IQGAP3: variants seen among roughly 807,000 people sequenced by gnomAD.
IQGAP3 encodes the protein ras GTPase-activating-like protein IQGAP3.
A neutral mutation model predicts 208.2 loss-of-function variants in IQGAP3; 165 were observed. The ratio of observed to expected loss-of-function variants is 0.79; its 90% CI spans 0.70 to 0.90. The LOEUF is 0.90. Ranked by LOEUF, IQGAP3 falls within the 40% of genes least tolerant of loss-of-function variation. The pLI, the probability that IQGAP3 is intolerant of heterozygous loss-of-function variation, is 0.00. For missense variants in IQGAP3, 1,811 were observed against 2,043.1 expected (o/e 0.89, Z 2.19); for synonymous variants, 703 against 803.6 (o/e 0.87, Z 2.12).
At chr1:156,569,128 A>G (rs1461468639) in intron 2 of IQGAP3, among the ~76,000 whole-genome samples, 5 of 152,148 alleles carry the variant, frequency 3.3e-5, no homozygotes, top group Non-Finnish European at 5.9e-5. Flanking sequence ...TTAGTTGGAT[A>G]TTATAATGGC....
rs375539974 is a variant in IQGAP3, at chr1:156,527,218, T to C, written c.4783-619A>G. ...CTGCTCGGCTGGGCATGGTGACTCA[T>C]GCCTGTAAATCCCAGCATTTTGGGA... is the stretch of plus-strand genomic sequence containing the variant. On this transcript the variant is annotated intron_variant, in intron 37 of 37. Coordinates refer to ENST00000361170, the MANE Select transcript of IQGAP3 (RefSeq NM_178229.5). Among the ~76,000 whole-genome samples, 77 of 151,514 alleles carry C rather than the reference T, an allele frequency of 5.1e-4. No individual in the cohort carries two copies. In the East Asian group the frequency reaches 5.9e-3, roughly 12 times the overall value.
At position 156,563,219 on chromosome 1, in the gene IQGAP3, T is replaced by C; in HGVS notation, c.713A>G (p.Glu238Gly). 6.2e-7 allele frequency: 1 copy of C among 1,613,456 alleles called. No individual in the cohort carries two copies. ...GGCTGCCAGAGGCTCTCGGAGATTC[T>C]CCAGAAGAGCACTGGGATTCTGCAA... is the stretch of plus-strand genomic sequence containing the variant. ...AALQNPSALL[E>G]NLREPLAAVY... The change falls in exon 8 of 38, where the codon GAG becomes GGG. Residue 238 changes from glutamate (E) to glycine (G), a missense_variant. Glu to Gly is a moderately conservative substitution (Grantham distance 98). Transcript: ENST00000361170.
Position 156,534,544 on chromosome 1 carries a change from G to A in IQGAP3, c.3697C>T (p.Arg1233Trp), listed in dbSNP as rs1421071932. 1.6e-5 allele frequency: 25 copies of A among 1,605,886 alleles called. No individual in the cohort carries two copies. The highest frequency in any genetic ancestry group is 3.4e-5 in the Admixed American group (2 of 58,456). ...KAFSGQSQHL[R>W]VLNDYLEETH... ...TCCTCCAGATAGTCATTCAGGACCC[G>A]TAGGTGCTGGCTCTGCCCAGAGAAG... Residue 1233 changes from arginine to tryptophan, a missense_variant, in exon 29 of 38, where the codon CGG becomes TGG. Physicochemically the swap from Arg to Trp is moderately radical, Grantham distance 101 (BLOSUM62 -3). Coordinates refer to ENST00000361170, the MANE Select transcript of IQGAP3 (RefSeq NM_178229.5).
Position 156,539,526 on chromosome 1 carries a change from G to C in IQGAP3, c.2904C>G (p.Ile968Met). ...HLFYLLQTQP[I>M]YLAKLIFQMP... ...TCTGAAAGATCAGCTTGGCCAGGTA[G>C]ATGGGCTGAGTCTGCAAGCAAGAGG... Residue 968 changes from isoleucine (I) to methionine (M), a missense_variant, in exon 25 of 38, where the codon ATC (isoleucine) becomes ATG (methionine). By Grantham distance (10) the Ile-to-Met change is conservative (BLOSUM62 1). Coordinates refer to ENST00000361170, the MANE Select transcript of IQGAP3 (RefSeq NM_178229.5). The C allele has an allele frequency of 6.2e-7, 1 of 1,614,202 alleles. No homozygotes were observed. Among genetic ancestry groups the C allele is most frequent in the Non-Finnish European group, 8.5e-7 (1 of 1,180,038 alleles).
At chr1:156,538,221 C>T (rs1161642764) in intron 26 of IQGAP3, among the ~76,000 whole-genome samples, 2 of 152,126 alleles carry the variant, frequency 1.3e-5, no homozygotes, top group Admixed American at 6.5e-5. Flanking sequence ...CCACCACGCC[C>T]GGCTAATTTT....
intron 2 of IQGAP3, among the ~76,000 whole-genome samples, chr1:156,566,861 C>CTTT (rs1407942830): frequency 4.1e-5 from 6 of 147,416 alleles, no homozygotes; most frequent in African/African-American, 1.5e-4. Flanking sequence ...TAGTTACATG[C>CTTT]TTTTTTTTTT....
At chr1:156,562,439 C>A in intron 9 of IQGAP3, 148 bp downstream of exon 9, 1 of 686,916 alleles carries the variant, frequency 1.5e-6, no homozygotes, top group Non-Finnish European at 2.6e-6. Context: ...TGCACATACT[C>A]CTTGGACTCT....
intron 9 of IQGAP3, 78 bp from the exon 10 acceptor site, chr1:156,562,079 A>G (rs1171545): frequency 0.99 from 1,312,262 of 1,322,392 alleles, 651,710 homozygotes; most frequent in East Asian, 1. Context: ...CTAGGAATCT[A>G]CCCTCTTCTT....
chr1:156,534,228 G>A (rs767835801), intron 29 of IQGAP3, 87 bp from the exon 30 acceptor site: 13 of 1,588,032 alleles, frequency 8.2e-6, no homozygotes, highest in Non-Finnish European at 1.0e-5. Context: ...GCCTTCTCCA[G>A]TGATTGCTCA....
At chr1:156,541,399 G>A (rs1674969971) in intron 22 of IQGAP3, among the ~76,000 whole-genome samples, 1 of 152,088 alleles carries the variant, frequency 6.6e-6, no homozygotes, top group Non-Finnish European at 1.5e-5. Flanking sequence ...AGGTAGACGG[G>A]ATGGACAGTG....
chr1:156,562,552 T>G (rs7548309), intron 9 of IQGAP3, 35 bp downstream of exon 9: 1,073,039 of 1,561,746 alleles, frequency 0.69, 373,633 homozygotes, highest in Non-Finnish European at 0.72. Flanking sequence ...TACCCTGAGG[T>G]CACCCCCAAA....
rs768039917 is a variant in IQGAP3 at position 156,554,328 on chromosome 1, C to G, written c.1355G>C (p.Arg452Pro). Residue 452 changes from arginine (R) to proline (P), a missense_variant, in exon 13 of 38, where the codon CGG (arginine) becomes CCG (proline). Transcript: ENST00000361170. ...EMLSAVVLIN[R>P]ALEARDASGF... ...ACTGGCATCCCGGGCCTCCAGGGCC[C>G]GGTTAATCAGGACCACAGCTGAGAG... 2 of 1,613,970 alleles carry G rather than the reference C, an allele frequency of 1.2e-6. No individual in the cohort carries two copies. Among genetic ancestry groups the G allele is most frequent in the African/African-American group, 1.3e-5 (1 of 74,932 alleles).
rs775745515 is a variant in IQGAP3, at chr1:156,563,636, A to C, written c.536T>G (p.Leu179Arg). The C allele has an allele frequency of 9.9e-6, 16 of 1,613,044 alleles. No individual in the cohort carries two copies. In the African/African-American group the frequency reaches 2.1e-4, roughly 22 times the overall value. ...AGGCAGCTGGAGGCCATATTTGGCC[A>C]GTTCGGACGCCATGTTGCTGAGTTC... is the stretch of plus-strand genomic sequence containing the variant. ...AEELSNMASE[L>R]AKYGLQLPAF... The change falls in exon 7 of 38, where the codon CTG becomes CGG. Residue 179 changes from leucine (L) to arginine (R), a missense_variant. By Grantham distance (102) the Leu-to-Arg change is moderately radical. Transcript: ENST00000361170.
chr1:156,530,007 A>C (rs896055493), intron 34 of IQGAP3, 98 bp downstream of exon 34: 8 of 984,220 alleles, frequency 8.1e-6, no homozygotes, highest in Non-Finnish European at 9.2e-6. Context: ...GTGAGGACTC[A>C]TCAGGAGGGG....
chr1:156,547,412 C>CACACAG (rs1553225666), intron 19 of IQGAP3, among the ~76,000 whole-genome samples: 6 of 151,628 alleles, frequency 4.0e-5, no homozygotes, highest in Non-Finnish European at 7.4e-5. Context: ...CACACACACA[C>CACACAG]ACACACACAC....
At chr1:156,562,091 C>T in intron 9 of IQGAP3, 90 bp from the exon 10 acceptor site, 5 of 1,211,784 alleles carry the variant, frequency 4.1e-6, no homozygotes, top group Non-Finnish European at 5.7e-6. Flanking sequence ...CCTCTTCTTG[C>T]CTGCCCGGAA....
chr1:156,533,184 C>G (rs1674506386), intron 31 of IQGAP3, 78 bp from the exon 32 acceptor site: 2 of 1,552,150 alleles, frequency 1.3e-6, no homozygotes, highest in African/African-American at 2.7e-5. Flanking sequence ...CACACACATG[C>G]ACCGATGGGG....
chr1:156,563,679 C>A lies in IQGAP3; in HGVS notation c.506-13G>T. Reference sequence around the variant, plus strand: ...CTGAGTTCCTCAGCTGCAATGATGCCACAGGTGCCCTTCATCAGGCCCAGA... The same window carrying A: ...CTGAGTTCCTCAGCTGCAATGATGCAACAGGTGCCCTTCATCAGGCCCAGA... On this transcript the variant is annotated splice_polypyrimidine_tract_variant and intron_variant, in intron 6 of 37. Transcript: ENST00000361170. 2 of 1,610,866 alleles carry A rather than the reference C, an allele frequency of 1.2e-6. No homozygotes were observed. The highest frequency in any genetic ancestry group is 1.7e-6 in the Non-Finnish European group (2 of 1,178,114).
At chr1:156,541,856 G>A (rs1367083485) in intron 22 of IQGAP3, among the ~76,000 whole-genome samples, 2 of 152,180 alleles carry the variant, frequency 1.3e-5, no homozygotes, top group African/African-American at 4.8e-5. Context: ...AAAGTGGGTT[G>A]CCCAACCCCA....
Sources: gnomAD v4.1 joint callset for allele counts (sites outside exome capture counted in the v4.1 genomes callset) on GRCh38, gnomAD v4.1.1 for gene constraint, MANE v1.5 for transcripts, NCBI Gene and HGNC (gene_info 2026-07-23, HGNC 2026-07-21) for gene names.